The following DYNC1I1 variants were observed in gnomAD, a reference collection of about 807,000 sequenced individuals.
DYNC1I1 encodes cytoplasmic dynein 1 intermediate chain 1.
DYNC1I1 carries 43 observed loss-of-function variants against 86.6 expected under a neutral mutation model. The ratio of observed to expected loss-of-function variants is 0.50; its 90% CI spans 0.39 to 0.64. The LOEUF (loss-of-function observed/expected upper bound fraction) is 0.64. Among genes scored for constraint, DYNC1I1 ranks in the 30% least tolerant of loss-of-function variants. The pLI, the probability that DYNC1I1 is intolerant of heterozygous loss-of-function variation, is 0.00. For synonymous variants in DYNC1I1, 262 were observed against 283.7 expected (o/e 0.92, Z 0.77); for missense variants, 604 against 788.8 (o/e 0.77, Z 2.81).
intron 6 of DYNC1I1, among the ~76,000 whole-genome samples, chr7:95,871,368 A>C (rs972025247): frequency 3.9e-5 from 6 of 152,222 alleles, no homozygotes; most frequent in Non-Finnish European, 2.9e-5. Flanking sequence ...GAAAGAAAGA[A>C]AAGAAAAAGA....
At chr7:96,046,898 G>T (rs1789232181) in intron 14 of DYNC1I1, among the ~76,000 whole-genome samples, 1 of 152,206 alleles carries the variant, frequency 6.6e-6, no homozygotes, top group African/African-American at 2.4e-5. Flanking sequence ...GGCATGCTTA[G>T]ACTGAGGTGT....
chr7:96,097,770 T>G lies in DYNC1I1; in HGVS notation c.*177T>G. On this transcript the variant is annotated 3_prime_UTR_variant, in exon 17 of 17. Coordinates refer to ENST00000447467, the MANE Select transcript of DYNC1I1 (RefSeq NM_001135556.2). ...AAATGTGTCCCATCATGCTTTCCACTGACCCAAAATTCACCACAGCATTTC... is the reference window on the plus strand; with the variant it reads ...AAATGTGTCCCATCATGCTTTCCACGGACCCAAAATTCACCACAGCATTTC... 2 of 1,315,162 alleles carry G rather than the reference T, an allele frequency of 1.5e-6. No homozygotes were observed. The highest frequency in any genetic ancestry group is 9.7e-7 in the Non-Finnish European group (1 of 1,028,544). The allele number at this position is 1,315,162 out of a possible 1,614,324, so 81.5% of individuals were successfully genotyped here.
At chr7:96,050,040 A>AC (rs1411215431) in intron 14 of DYNC1I1, among the ~76,000 whole-genome samples, 1 of 130,124 alleles carries the variant, frequency 7.7e-6, no homozygotes, top group Non-Finnish European at 1.8e-5. Context: ...CAAACAAACA[A>AC]AAAAAAAAAC....
chr7:96,105,307 C>A (rs80112994), intron 16 of DYNC1I1, among the ~76,000 whole-genome samples: 4,098 of 151,572 alleles, frequency 0.027, 186 homozygotes, highest in African/African-American at 0.094. Context: ...TTTTTTCCTC[C>A]TGTTTCTTTT....
At chr7:95,849,023 T>A (rs567535735) in intron 5 of DYNC1I1, among the ~76,000 whole-genome samples, 6 of 152,298 alleles carry the variant, frequency 3.9e-5, no homozygotes, top group African/African-American at 1.4e-4. Flanking sequence ...CATCTGTATG[T>A]CTTCTTTAAA....
chr7:96,086,102 C>A (rs1383862592), intron 16 of DYNC1I1, among the ~76,000 whole-genome samples: 2 of 152,192 alleles, frequency 1.3e-5, no homozygotes, highest in Non-Finnish European at 2.9e-5. Flanking sequence ...TGATTGATAG[C>A]CAGCCTATCT....
chr7:95,911,416 T>G (rs1458958410), intron 6 of DYNC1I1, among the ~76,000 whole-genome samples: 1 of 151,948 alleles, frequency 6.6e-6, no homozygotes, highest in Admixed American at 6.6e-5. Context: ...ACTGAGGCAG[T>G]GGTGGTATGT....
At chr7:95,870,286 A>G (rs970572165) in intron 6 of DYNC1I1, among the ~76,000 whole-genome samples, 1 of 152,346 alleles carries the variant, frequency 6.6e-6, no homozygotes, top group Non-Finnish European at 1.5e-5. Flanking sequence ...TGTAATAGAA[A>G]CAGTGCTGAA....
intron 1 of DYNC1I1, among the ~76,000 whole-genome samples, chr7:95,793,031 T>C (rs1311091025): frequency 1.3e-5 from 2 of 152,030 alleles, no homozygotes; most frequent in East Asian, 3.9e-4. Context: ...TTTTAAACAG[T>C]GTTCTGTCAC....
At chr7:95,942,475 C>G in intron 6 of DYNC1I1, among the ~76,000 whole-genome samples, 1 of 152,314 alleles carries the variant, frequency 6.6e-6, no homozygotes, top group Middle Eastern at 3.4e-3. Flanking sequence ...CCTTCTGAAA[C>G]TATTCCAACC....
downstream of DYNC1I1, among the ~76,000 whole-genome samples, chr7:96,102,714 A>G (rs977948284): frequency 2.6e-5 from 4 of 152,198 alleles, no homozygotes; most frequent in Admixed American, 6.5e-5. Flanking sequence ...AGCAGATGCT[A>G]TGATATTAAT....
intron 16 of DYNC1I1, among the ~76,000 whole-genome samples, chr7:96,094,809 G>A (rs1224874590): frequency 6.6e-6 from 1 of 152,164 alleles, no homozygotes; most frequent in Non-Finnish European, 1.5e-5. Context: ...TTGATTTCAA[G>A]TTTCTAGGAG....
chr7:95,985,019 A>T (rs1161095637), intron 8 of DYNC1I1, 42 bp downstream of exon 8: 5 of 1,595,652 alleles, frequency 3.1e-6, no homozygotes, highest in Admixed American at 1.8e-5. Context: ...AGCGTAAGTT[A>T]TCTGTTAATT....
At chr7:96,062,835 A>G (rs75349407) in intron 14 of DYNC1I1, among the ~76,000 whole-genome samples, 7,410 of 152,286 alleles carry the variant, frequency 0.049, 253 homozygotes, top group African/African-American at 0.1. Flanking sequence ...ACTCCGGTGC[A>G]GAAGACTTCT....
At chr7:95,863,391 G>C (rs1478486817) in intron 5 of DYNC1I1, among the ~76,000 whole-genome samples, 2 of 152,082 alleles carry the variant, frequency 1.3e-5, no homozygotes, top group Non-Finnish European at 2.9e-5. Flanking sequence ...ATTTTTGAGA[G>C]GGTAACGAAA....
chr7:95,941,119 C>G (rs113246987), intron 6 of DYNC1I1, among the ~76,000 whole-genome samples: 1 of 152,152 alleles, frequency 6.6e-6, no homozygotes. Context: ...AGTGGGTTTT[C>G]GTGAACCGCC....
chr7:95,888,056 G>A lies in DYNC1I1; in HGVS notation c.490+18058G>A, dbSNP rs371719833. 9.8e-4 allele frequency among the ~76,000 whole-genome samples: 149 copies of A among 152,262 alleles called. 2 individuals carry two copies. The South Asian group carries it at 0.03, about 30-fold the overall frequency. On this transcript the variant is annotated intron_variant, in intron 6 of 16. Coordinates refer to ENST00000447467, the MANE Select transcript of DYNC1I1 (RefSeq NM_001135556.2). ...TTTAGGCCACTTCACCTCCATTTAG[G>A]TTGAATGCCTTCATGAAAATGTTAG...
intron 6 of DYNC1I1, among the ~76,000 whole-genome samples, chr7:95,912,480 G>C (rs1791364065): frequency 1.3e-5 from 2 of 152,202 alleles, no homozygotes; most frequent in Non-Finnish European, 2.9e-5. Context: ...TGCAGTGCAT[G>C]TGGCTCAGGT....
intron 6 of DYNC1I1, among the ~76,000 whole-genome samples, chr7:95,880,015 A>G (rs1454413764): frequency 6.6e-6 from 1 of 152,192 alleles, no homozygotes; most frequent in Admixed American, 6.5e-5. Flanking sequence ...TCTGCATGGA[A>G]GAAGTAGTAA....
Sources: gnomAD v4.1 joint callset for allele counts (sites outside exome capture counted in the v4.1 genomes callset) on GRCh38, gnomAD v4.1.1 for gene constraint, MANE v1.5 for transcripts, NCBI Gene and HGNC (gene_info 2026-07-23, HGNC 2026-07-21) for gene names.